The following PCNX2 variants were observed in gnomAD, a reference collection of about 807,000 sequenced individuals.
PCNX2 encodes pecanex 2.
Under a neutral mutation model 223.8 loss-of-function variants are expected in PCNX2, and 168 were observed. The observed-to-expected ratio is 0.75, with a 90% confidence interval of 0.66 to 0.85. The LOEUF (loss-of-function observed/expected upper bound fraction) is 0.85, where lower values mean the gene tolerates loss of function less well. Ranked by LOEUF, PCNX2 falls within the 40% of genes least tolerant of loss-of-function variation. PCNX2 has a pLI of 0.00. For missense variants in PCNX2, 2,507 were observed against 2,675.5 expected (o/e 0.94, Z 1.39); for synonymous variants, 1,006 against 1,052.6 (o/e 0.96, Z 0.86).
chr1:233,187,751 A>G (rs1680187313), intron 15 of PCNX2, among the ~76,000 whole-genome samples: 1 of 152,182 alleles, frequency 6.6e-6, no homozygotes, highest in African/African-American at 2.4e-5. Flanking sequence ...CATGGCAGAA[A>G]GCACGAGCTG....
At chr1:233,289,954 A>G (rs1661664553) in intron 1 of PCNX2, among the ~76,000 whole-genome samples, 2 of 152,150 alleles carry the variant, frequency 1.3e-5, no homozygotes, top group Admixed American at 6.5e-5. Context: ...TGGAGAGGCT[A>G]CCTTTCCATA....
intron 23 of PCNX2, among the ~76,000 whole-genome samples, chr1:233,061,421 A>G (rs908934347): frequency 6.6e-6 from 1 of 152,220 alleles, no homozygotes; most frequent in African/African-American, 2.4e-5. Flanking sequence ...ATTTGGCACG[A>G]GACATTTCCT....
Position 233,016,926 on chromosome 1 carries a change from G to T in PCNX2, c.4834C>A (p.Gln1612Lys), listed in dbSNP as rs551811471. 6.3e-7 allele frequency: 1 copy of T among 1,597,294 alleles called. No homozygotes were observed. The highest frequency in any genetic ancestry group is 1.1e-5 in the South Asian group (1 of 90,758). The change falls in exon 27 of 34, where the codon CAA (glutamine) becomes AAA (lysine). Residue 1612 changes from glutamine (Q) to lysine (K), a missense_variant. Gln to Lys is a moderately conservative substitution (Grantham distance 53). Transcript: ENST00000258229. ...EWIQHCARKR[Q>K]EPSTTLDSDE... is the part of the protein sequence containing the mutation. The stretch of plus-strand genomic sequence containing the variant: ...CCCCCACCTCCCTGACCTACCTCTT[G>T]TCTTTTCCGTGCACAGTGTTGAATC...
rs114020596 is a variant in PCNX2 at position 233,266,449 on chromosome 1, G to A, written c.154-3286C>T. Among the ~76,000 whole-genome samples, 809 of 152,086 alleles carry A rather than the reference G, an allele frequency of 5.3e-3. 8 individuals are homozygous for A. Among genetic ancestry groups the A allele is most frequent in the African/African-American group, 0.018 (762 of 41,486 alleles). Reference sequence around the variant, plus strand: ...TTACGCCATGCAATTATGCTCTTCCGAGGCTCCTCCAATTCCACATGCCCA... The same window carrying A: ...TTACGCCATGCAATTATGCTCTTCCAAGGCTCCTCCAATTCCACATGCCCA... On this transcript the variant is annotated intron_variant, in intron 1 of 33. Coordinates refer to ENST00000258229, the MANE Select transcript of PCNX2 (RefSeq NM_014801.4).
chr1:233,073,575 G>T (rs1451342443), intron 23 of PCNX2, among the ~76,000 whole-genome samples: 1 of 151,336 alleles, frequency 6.6e-6, no homozygotes, highest in African/African-American at 2.4e-5. Flanking sequence ...AGGATTACAG[G>T]CACAGGCCAC....
chr1:233,294,573 T>C, intron 1 of PCNX2, among the ~76,000 whole-genome samples: 1 of 152,236 alleles, frequency 6.6e-6, no homozygotes, highest in East Asian at 1.9e-4. Context: ...AATTAGATTC[T>C]TGGCACGTAA....
At chr1:233,144,948 G>GTTTTTTTTTTTTTTTTT (rs1168793449) in intron 19 of PCNX2, among the ~76,000 whole-genome samples, 1 of 69,986 alleles carries the variant, frequency 1.4e-5, no homozygotes, top group African/African-American at 6.5e-5. Flanking sequence ...TGTTGTTGTT[G>GTTTTTTTTTTTTTTTTT]TTTTGTTTTT....
chr1:233,283,663 T>C lies in PCNX2; in HGVS notation c.153+11663A>G, dbSNP rs141533015. Among the ~76,000 whole-genome samples the C allele has an allele frequency of 4.1e-3, 620 of 152,012 alleles. 8 individuals carry two copies. Among genetic ancestry groups the C allele is most frequent in the African/African-American group, 0.014 (584 of 41,446 alleles). ...AAAAAATGAATTTGTGGGACCACAC[T>C]AAAAAGTGCAACAAAACTATGAGGA... is the stretch of plus-strand genomic sequence containing the variant. On this transcript the variant is annotated intron_variant, in intron 1 of 33. Coordinates refer to ENST00000258229, the MANE Select transcript of PCNX2 (RefSeq NM_014801.4).
chr1:233,223,916 A>C (rs1335086039), intron 10 of PCNX2, among the ~76,000 whole-genome samples: 1 of 152,096 alleles, frequency 6.6e-6, no homozygotes. Flanking sequence ...CTTCCCCAGA[A>C]AAGCCTTTGC....
At chr1:233,286,695 C>G (rs142324597) in intron 1 of PCNX2, among the ~76,000 whole-genome samples, 296 of 152,152 alleles carry the variant, frequency 1.9e-3, no homozygotes, top group African/African-American at 6.6e-3. Flanking sequence ...AGAACAGAGT[C>G]TCTGAGGGTG....
chr1:233,297,130 T>A (rs1216088770), upstream of PCNX2, among the ~76,000 whole-genome samples: 4 of 152,220 alleles, frequency 2.6e-5, no homozygotes, highest in Non-Finnish European at 5.9e-5. Flanking sequence ...TATAAGTGTT[T>A]AATGGGTTAA....
chr1:233,005,644 T>C (rs1313747586), intron 28 of PCNX2, among the ~76,000 whole-genome samples: 2 of 151,902 alleles, frequency 1.3e-5, no homozygotes, highest in African/African-American at 4.8e-5. Flanking sequence ...AAAAGGAAGG[T>C]GTTTCATTAC....
At chr1:233,145,168 G>A (rs11810768) in intron 19 of PCNX2, among the ~76,000 whole-genome samples, 4,606 of 151,838 alleles carry the variant, frequency 0.03, 230 homozygotes, top group African/African-American at 0.1. Flanking sequence ...GTGTTTCACC[G>A]TGTTAGCCAT....
At chr1:233,180,718 T>G (rs1038763185) in intron 15 of PCNX2, 1 of 152,152 alleles carries the variant, frequency 6.6e-6, no homozygotes, top group African/African-American at 2.4e-5. Flanking sequence ...TCTTCCCCAT[T>G]GTGGAAGTCT....
At chr1:233,223,636 C>T (rs561181218) in intron 10 of PCNX2, among the ~76,000 whole-genome samples, 13 of 152,058 alleles carry the variant, frequency 8.5e-5, no homozygotes, top group Non-Finnish European at 1.6e-4. Flanking sequence ...TGACAGGCCC[C>T]GGTGTGTGAT....
chr1:233,087,156 A>G, intron 23 of PCNX2: 1 of 985,416 alleles, frequency 1.0e-6, no homozygotes, highest in Non-Finnish European at 1.2e-6. Flanking sequence ...TGAAGTATTA[A>G]AATGGTTTTG....
intron 23 of PCNX2, among the ~76,000 whole-genome samples, chr1:233,075,366 GAATGACAAAA>G (rs1673045292): frequency 6.6e-6 from 1 of 152,122 alleles, no homozygotes; most frequent in Non-Finnish European, 1.5e-5. Flanking sequence ...AACATTCTTG[GAATGACAAAA>G]TTATAAAGAT....
At chr1:233,093,067 G>A (rs1287310416) in intron 22 of PCNX2, among the ~76,000 whole-genome samples, 8 of 152,128 alleles carry the variant, frequency 5.3e-5, no homozygotes, top group Non-Finnish European at 1.0e-4. Flanking sequence ...CCAAAGTGCT[G>A]GGATTACAGG....
At chr1:233,210,636 T>C in intron 12 of PCNX2, 1 of 985,396 alleles carries the variant, frequency 1.0e-6, no homozygotes, top group Non-Finnish European at 1.2e-6. Flanking sequence ...TCCCTGCTCT[T>C]CAATTCCTAC....
Sources: allele counts gnomAD v4.1 joint callset (sites outside exome capture counted in the v4.1 genomes callset), GRCh38; gene constraint gnomAD v4.1.1; transcripts MANE v1.5; gene names NCBI Gene and HGNC (gene_info 2026-07-23, HGNC 2026-07-21).